Variants in POLR1A observed in about 807,000 individuals in gnomAD.
The protein encoded by POLR1A is RNA polymerase I subunit A, also known as DNA-directed RNA polymerase I subunit RPA1.
In POLR1A, 84 loss-of-function variants were observed where a neutral mutation model predicts 205.3. The ratio of observed to expected loss-of-function variants is 0.41; its 90% CI spans 0.34 to 0.49. The LOEUF (loss-of-function observed/expected upper bound fraction) is 0.49. POLR1A is among the 20% of genes least tolerant of loss of function. The pLI, the probability that POLR1A is intolerant of heterozygous loss-of-function variation, is 0.22. For synonymous variants in POLR1A, 799 were observed against 863.7 expected (o/e 0.93, Z 1.31); for missense variants, 1,645 against 2,204.5 (o/e 0.75, Z 5.08).
intron 28 of POLR1A, among the ~76,000 whole-genome samples, 198 bp downstream of exon 28, chr2:86,033,461 GCA>G (rs1258963648): frequency 6.6e-6 from 1 of 152,268 alleles, no homozygotes; most frequent in African/African-American, 2.4e-5. Context: ...ATGCTGCCTG[GCA>G]GCCTCGCTTG....
At chr2:86,030,907 T>G (rs1167347452) in intron 30 of POLR1A, among the ~76,000 whole-genome samples, 2 of 152,210 alleles carry the variant, frequency 1.3e-5, no homozygotes, top group Non-Finnish European at 2.9e-5. Flanking sequence ...TGTCCCTGCC[T>G]GAGGGCACGA....
chr2:86,073,657 C>A (rs1365694009), intron 12 of POLR1A, among the ~76,000 whole-genome samples: 1 of 152,204 alleles, frequency 6.6e-6, no homozygotes, highest in African/African-American at 2.4e-5. Context: ...CTACCACACC[C>A]CTCCGCAACA....
At chr2:86,056,703 T>C (rs1672904952) in intron 14 of POLR1A, among the ~76,000 whole-genome samples, 1 of 152,040 alleles carries the variant, frequency 6.6e-6, no homozygotes, top group Non-Finnish European at 1.5e-5. Context: ...ACATTTACCA[T>C]TGTGAAAAAT....
chr2:86,052,342 T>C (rs1018311086), intron 16 of POLR1A, among the ~76,000 whole-genome samples: 25 of 152,008 alleles, frequency 1.6e-4, no homozygotes, highest in Non-Finnish European at 7.4e-5. Context: ...AATGGGGTTG[T>C]AAGAGTATGA....
rs1412257113 is a variant in POLR1A, at chr2:86,028,175, G to A, written c.4898-126C>T. The A allele has an allele frequency of 1.1e-6, 1 of 871,494 alleles. No homozygotes were observed. The highest frequency in any genetic ancestry group is 1.6e-5 in the African/African-American group (1 of 60,732). 54.0% of individuals were successfully genotyped at this position (871,494 alleles called of 1,614,324 possible). ...AGTTAGACTCTGGGGCTCCCCTTCA[G>A]CTCCGCCACCTGCTCACGCTACTTA... On this transcript the variant is annotated intron_variant, in intron 32 of 33. Transcript: ENST00000263857. This position sits in a 1 kb window ranked among gnomAD's most constrained non-coding sequence, Gnocchi z 4.5.
chr2:86,023,114 G>A lies in POLR1A; in HGVS notation c.*4309C>T, dbSNP rs1379805609. Reference sequence around the variant, plus strand: ...AACTGAGAGCCTCTAAGTGGACTTTGGACGGAAGTGGGGTGGAGGTTGATG... The same window carrying A: ...AACTGAGAGCCTCTAAGTGGACTTTAGACGGAAGTGGGGTGGAGGTTGATG... On this transcript the variant is annotated 3_prime_UTR_variant, in exon 34 of 34. Transcript: ENST00000263857. 1 of 152,232 alleles carries A rather than the reference G, an allele frequency of 6.6e-6. No individual in the cohort carries two copies. Among genetic ancestry groups the A allele is most frequent in the Non-Finnish European group, 1.5e-5 (1 of 68,038 alleles). The allele number at this position is 152,232 out of a possible 1,614,324, so 9.4% of individuals were successfully genotyped here.
chr2:86,105,730 G>C lies in POLR1A; in HGVS notation c.47C>G (p.Ser16Cys). ...NMPWRRLQGISFGMYSAEELK... is the reference protein window; with the variant it reads ...NMPWRRLQGICFGMYSAEELK... ...CTCTTCAGCCGAATACATCCCGAAG[G>C]AAATGCCCTGCAGCCGCCGCCAGGG... Residue 16 changes from serine to cysteine, a missense_variant, in exon 1 of 34, where the codon TCC becomes TGC. Around this residue, in one of 16 missense-constraint regions of POLR1A, gnomAD observed 330 missense variants for 375.6 expected, o/e 0.88. Coordinates refer to ENST00000263857, the MANE Select transcript of POLR1A (RefSeq NM_015425.6). The C allele has an allele frequency of 1.2e-6, 2 of 1,614,054 alleles. No homozygotes were observed. The highest frequency in any genetic ancestry group is 4.5e-5 in the East Asian group (2 of 44,878).
chr2:86,091,373 A>C (rs1190553765), intron 3 of POLR1A, among the ~76,000 whole-genome samples: 1 of 152,104 alleles, frequency 6.6e-6, no homozygotes, highest in African/African-American at 2.4e-5. Context: ...CTCCCACCTC[A>C]GCCTCCCAAA....
At chr2:86,097,214 CAA>C (rs757210116) in intron 3 of POLR1A, among the ~76,000 whole-genome samples, 160 of 39,662 alleles carry the variant, frequency 4.0e-3, no homozygotes, top group African/African-American at 0.015. Flanking sequence ...CCCCAAAAGA[CAA>C]AAAAAAAAAA....
In POLR1A at chr2:86,088,603, C is replaced by T. The variant is rs1163083271; in HGVS notation, c.693G>A (p.Val231=). Residue 231 remains valine, a synonymous_variant, in exon 6 of 34, where the codon GTG becomes GTA. Transcript: ENST00000263857. ...SKLTITFPAM[V]HRTAGQKDSE... ...AGTCCTTCTGGCCAGCTGTCCTGTG[C>T]ACCATGGCTGGAAACGTGATAGTCA... The T allele has an allele frequency of 3.1e-6, 5 of 1,613,870 alleles. No individual in the cohort carries two copies. In the South Asian group the frequency reaches 3.3e-5, roughly 11 times the overall value.
chr2:86,051,059 G>T (rs759857556), intron 16 of POLR1A, among the ~76,000 whole-genome samples: 31 of 152,160 alleles, frequency 2.0e-4, no homozygotes, highest in Non-Finnish European at 1.5e-5. Context: ...AAATCTGGAC[G>T]CAGCCTAAAT....
chr2:86,041,171 G>C (rs1414645337), intron 24 of POLR1A, among the ~76,000 whole-genome samples: 1 of 97,672 alleles, frequency 1.0e-5, no homozygotes, highest in Non-Finnish European at 2.3e-5. Flanking sequence ...GTGTGTGTGT[G>C]TGTGTGTGTG....
chr2:86,077,807 GCGCGCACA>G lies in POLR1A; in HGVS notation c.1380+44_1380+51del, dbSNP rs1446166424. The G allele has an allele frequency of 1.3e-5, 13 of 1,008,650 alleles. No individual in the cohort carries two copies. In the African/African-American group the frequency reaches 1.3e-4, roughly 10 times the overall value. 62.5% of individuals were successfully genotyped at this position (1,008,650 alleles called of 1,614,324 possible). ...GGGAGCAAATGAGCCCTGCACGCGCGCGCGCACACACACACACACACACACACACACAC... is the reference window on the plus strand; with the variant it reads ...GGGAGCAAATGAGCCCTGCACGCGCGCACACACACACACACACACACACAC... On this transcript the variant is annotated intron_variant, in intron 11 of 33. Transcript: ENST00000263857.
In POLR1A at chr2:86,070,418, G is replaced by A; in HGVS notation, c.1612-146C>T. On this transcript the variant is annotated intron_variant, in intron 12 of 33. Transcript: ENST00000263857. This position sits in a 1 kb window ranked among gnomAD's most constrained non-coding sequence, Gnocchi z 4.4. The stretch of plus-strand genomic sequence containing the variant: ...ATGCAAGGGGAATTTTTCATCTGGA[G>A]CAAAACCCTGGAAATCTCTGAGAAA... The A allele has an allele frequency of 1.2e-6, 1 of 849,280 alleles. No individual in the cohort carries two copies. The highest frequency in any genetic ancestry group is 1.8e-6 in the Non-Finnish European group (1 of 558,568). The allele number at this position is 849,280 out of a possible 1,614,324, so 52.6% of individuals were successfully genotyped here. A position where few individuals can be genotyped will look rare whatever the true frequency, so the allele number is the denominator to read the frequency against.
rs1211780168 is a variant in POLR1A, at chr2:86,063,352, A to AAG, written c.2058+1921_2058+1922insCT. On this transcript the variant is annotated intron_variant, in intron 14 of 33. Transcript: ENST00000263857. ...CTCCATCTCAAAAAAAAAAAAAAAA[A>AAG]AAAAAAAAAAGAAAGAAAACCTTGC... is the stretch of plus-strand genomic sequence containing the variant. Among the ~76,000 whole-genome samples the AAG allele has an allele frequency of 3.3e-5, 5 of 149,774 alleles. No individual in the cohort carries two copies. In the East Asian group the frequency reaches 7.7e-4, roughly 23 times the overall value.
chr2:86,077,372 C>T (rs1219159572), intron 11 of POLR1A, among the ~76,000 whole-genome samples: 1 of 152,304 alleles, frequency 6.6e-6, no homozygotes, highest in South Asian at 2.1e-4. Context: ...AACATGCACA[C>T]GCCTCTCTCC....
At chr2:86,104,204 G>T (rs1318107672) in intron 1 of POLR1A, among the ~76,000 whole-genome samples, 1 of 152,076 alleles carries the variant, frequency 6.6e-6, no homozygotes, top group Non-Finnish European at 1.5e-5. Flanking sequence ...GTAAGGGGAG[G>T]GTGGAAGGAA....
chr2:86,103,086 G>T lies in POLR1A; in HGVS notation c.77+2614C>A, dbSNP rs567459859. On this transcript the variant is annotated intron_variant, in intron 1 of 33. Coordinates refer to ENST00000263857, the MANE Select transcript of POLR1A (RefSeq NM_015425.6). The stretch of plus-strand genomic sequence containing the variant: ...TGCTTACAGGCCTTACATTCTATTG[G>T]AGGAACGGGAACAGACACAAAATGT... Among the ~76,000 whole-genome samples the T allele has an allele frequency of 4.6e-5, 7 of 152,302 alleles. No homozygotes were observed. The South Asian group carries it at 1.4e-3, about 32-fold the overall frequency.
At chr2:86,083,039 G>T in intron 7 of POLR1A, 43 bp downstream of exon 7, 1 of 1,401,214 alleles carries the variant, frequency 7.1e-7, no homozygotes, top group Non-Finnish European at 1.0e-6. Flanking sequence ...GGAAATAAAA[G>T]CCTAGAGAAG....
Sources: gnomAD v4.1 joint callset for allele counts (sites outside exome capture counted in the v4.1 genomes callset) on GRCh38, gnomAD v4.1.1 for gene constraint, gnomAD v4.1.1 regional missense constraint, Gnocchi (gnomAD v3.1) non-coding constraint, MANE v1.5 for transcripts, NCBI Gene and HGNC (gene_info 2026-07-23, HGNC 2026-07-21) for gene names.